The following DRC3 variants were observed in gnomAD, a reference collection of about 807,000 sequenced individuals.
DRC3 encodes leucine rich repeat containing 48.
In DRC3, 45 loss-of-function variants were observed where a neutral mutation model predicts 57.6. That is an observed-to-expected ratio of 0.78 (90% CI 0.62 to 1.00). The LOEUF (loss-of-function observed/expected upper bound fraction) is 1.00, where lower values mean the gene tolerates loss of function less well. Among genes scored for constraint, DRC3 ranks in the 50% least tolerant of loss-of-function variants. The probability of loss-of-function intolerance (pLI) is 0.00; values close to 1 mark genes in which losing one functional copy is unlikely to be tolerated. For synonymous variants in DRC3, 257 were observed against 272.3 expected (o/e 0.94, Z 0.55); for missense variants, 655 against 675.2 (o/e 0.97, Z 0.33).
In DRC3 at chr17:18,016,859, A is replaced by G; in HGVS notation, c.*188A>G. The stretch of plus-strand genomic sequence containing the variant: ...AGAGAAAATAAAGGACTCATTTCAC[A>G]TTTCCCCTACTCATAAAAAAAAAAA... On this transcript the variant is annotated 3_prime_UTR_variant, in exon 14 of 14. Transcript: ENST00000399187. The G allele has an allele frequency of 2.3e-6, 1 of 443,218 alleles. No individual in the cohort carries two copies. Among genetic ancestry groups the G allele is most frequent in the Non-Finnish European group, 4.0e-6 (1 of 252,298 alleles). The allele number at this position is 443,218 out of a possible 1,614,324, so 27.5% of individuals were successfully genotyped here. A position where few individuals can be genotyped will look rare whatever the true frequency, so the allele number is the denominator to read the frequency against.
chr17:18,004,631 G>A (rs887002498), intron 10 of DRC3, 137 bp downstream of exon 10: 26 of 871,478 alleles, frequency 3.0e-5, no homozygotes, highest in Non-Finnish European at 4.5e-5. Flanking sequence ...TAGCTTTCTT[G>A]CTCATCAGTC....
At position 17,994,428 on chromosome 17, in the gene DRC3, C is replaced by A. The variant is rs755972281; in HGVS notation, c.711+10C>A. ...GCTAGAGAAGCACAAGGTACCGTTCCGGCAGGCTGCACGCCCTCGGCCCCC... is the reference window on the plus strand; with the variant it reads ...GCTAGAGAAGCACAAGGTACCGTTCAGGCAGGCTGCACGCCCTCGGCCCCC... On this transcript the variant is annotated intron_variant, in intron 7 of 13. Transcript: ENST00000399187. The A allele has an allele frequency of 6.4e-7, 1 of 1,550,608 alleles. No homozygotes were observed. Among genetic ancestry groups the A allele is most frequent in the East Asian group, 2.4e-5 (1 of 40,908 alleles).
chr17:17,999,131 C>G (rs1284315563), intron 9 of DRC3, among the ~76,000 whole-genome samples: 1 of 152,186 alleles, frequency 6.6e-6, no homozygotes, highest in Non-Finnish European at 1.5e-5. Flanking sequence ...CCCTCAGCAG[C>G]GAGTCCCTCT....
At chr17:17,977,553 C>T in intron 2 of DRC3, 29 bp from the exon 3 acceptor site, 1 of 1,612,604 alleles carries the variant, frequency 6.2e-7, no homozygotes, top group Non-Finnish European at 8.5e-7. Context: ...AAGAAGCAGG[C>T]CGTGAAGGAA....
intron 3 of DRC3, among the ~76,000 whole-genome samples, chr17:17,980,594 A>ATT (rs35688948): frequency 0.037 from 3,996 of 108,432 alleles, 168 homozygotes; most frequent in Middle Eastern, 0.059. Context: ...TGCGCCCAGC[A>ATT]TTTTTTTTTT....
intron 11 of DRC3, 186 bp from the exon 12 acceptor site, chr17:18,006,838 C>A: frequency 2.4e-6 from 2 of 839,690 alleles, no homozygotes; most frequent in Non-Finnish European, 3.6e-6. Flanking sequence ...AGGGTCCGTC[C>A]GAGGTGTGGG....
chr17:18,009,920 G>A (rs948298411), intron 12 of DRC3, among the ~76,000 whole-genome samples: 2 of 152,180 alleles, frequency 1.3e-5, no homozygotes, highest in African/African-American at 2.4e-5. Context: ...TACATGCTGA[G>A]GAGAGAGCCT....
intron 2 of DRC3, among the ~76,000 whole-genome samples, chr17:17,976,041 G>T (rs2042372871): frequency 6.6e-6 from 1 of 152,180 alleles, no homozygotes; most frequent in Non-Finnish European, 1.5e-5. Flanking sequence ...CCTGCACCAG[G>T]AGTTTCTCCA....
chr17:17,994,987 T>G lies in DRC3; in HGVS notation c.712-12T>G. The G allele has an allele frequency of 6.2e-7, 1 of 1,610,052 alleles. No individual in the cohort carries two copies. On this transcript the variant is annotated splice_polypyrimidine_tract_variant and intron_variant, in intron 7 of 13. Transcript: ENST00000399187. ...CAGGAGCCGTCCTACCTACGTGTGT[T>G]TCTGCCTGCAGACTGCGTTTGTGGA...
At chr17:17,995,301 T>C (rs981458612) in intron 8 of DRC3, among the ~76,000 whole-genome samples, 190 bp downstream of exon 8, 1 of 152,252 alleles carries the variant, frequency 6.6e-6, no homozygotes, top group African/African-American at 2.4e-5. Context: ...GGGGAGATGC[T>C]GTCTGGATTT....
intron 3 of DRC3, chr17:17,981,251 C>T (rs770275522): frequency 1.5e-5 from 4 of 271,738 alleles, no homozygotes; most frequent in Non-Finnish European, 3.2e-5. Context: ...CAGATGAACC[C>T]AAAGGGGAAC....
At position 18,008,107 on chromosome 17, in the gene DRC3, C is replaced by T. The variant is rs1372040515; in HGVS notation, c.1326+960C>T. Among the ~76,000 whole-genome samples, 2 of 152,208 alleles carry T rather than the reference C, an allele frequency of 1.3e-5. No homozygotes were observed. Among genetic ancestry groups the T allele is most frequent in the Non-Finnish European group, 2.9e-5 (2 of 68,038 alleles). The stretch of plus-strand genomic sequence containing the variant: ...GCGATTCCCACCCCCAGAACCCTCA[C>T]TCCTGATGCTCAGCGGCAGCCTCTG... On this transcript the variant is annotated intron_variant, in intron 12 of 13. Coordinates refer to ENST00000399187, the MANE Select transcript of DRC3 (RefSeq NM_031294.4). The surrounding 1 kb of genome is among the most constrained non-coding windows in gnomAD (Gnocchi z 4.3).
chr17:17,999,354 A>G (rs770786102), intron 9 of DRC3, among the ~76,000 whole-genome samples: 1 of 152,102 alleles, frequency 6.6e-6, no homozygotes, highest in Non-Finnish European at 1.5e-5. Flanking sequence ...ATGTGCTCAC[A>G]TTCAGGCCCA....
chr17:17,988,078 C>G lies in DRC3; in HGVS notation c.424C>G (p.Arg142Gly). Residue 142 changes from arginine to glycine, a missense_variant, in exon 5 of 14, where the codon CGG becomes GGG. Arg to Gly is a moderately radical substitution (Grantham distance 125). Transcript: ENST00000399187. Reference protein sequence around the residue: ...KLQVLSLGNNRIDNMMNIIYL... With the variant: ...KLQVLSLGNNGIDNMMNIIYL... ...GCAGGTGTTGTCGCTGGGCAACAAC[C>G]GGATTGACAACATGATGAACGTGAG... 3 of 1,613,806 alleles carry G rather than the reference C, an allele frequency of 1.9e-6. No homozygotes were observed. The highest frequency in any genetic ancestry group is 2.5e-6 in the Non-Finnish European group (3 of 1,179,866).
intron 12 of DRC3, chr17:18,011,302 CCCAGCCAGCGCAGCAGGTT>C: frequency 2.9e-6 from 1 of 345,950 alleles, no homozygotes; most frequent in African/African-American, 2.2e-5. Flanking sequence ...GCAGACCTGC[CCCAGCCAGCGCAGCAGGTT>C]CAAGGCGTTT....
At chr17:18,004,160 G>A (rs1482634900) in intron 9 of DRC3, among the ~76,000 whole-genome samples, 1 of 152,006 alleles carries the variant, frequency 6.6e-6, no homozygotes, top group Non-Finnish European at 1.5e-5. Context: ...GCTATCAATC[G>A]CACTTTACAG....
At chr17:17,978,880 T>C (rs1362578649) in intron 3 of DRC3, among the ~76,000 whole-genome samples, 1 of 152,168 alleles carries the variant, frequency 6.6e-6, no homozygotes, top group Non-Finnish European at 1.5e-5. Context: ...TTCTGAGCAC[T>C]AGGGATTCAA....
At position 18,010,114 on chromosome 17, in the gene DRC3, C is replaced by T. The variant is rs573979812; in HGVS notation, c.1326+2967C>T. Reference sequence around the variant, plus strand: ...AAGTCCCCAGGGTCTGCTCAAGTGGCAGTGGGTCTGACCCAAGCCAGCAGT... The same window carrying T: ...AAGTCCCCAGGGTCTGCTCAAGTGGTAGTGGGTCTGACCCAAGCCAGCAGT... On this transcript the variant is annotated intron_variant, in intron 12 of 13. Transcript: ENST00000399187. 8.5e-5 allele frequency among the ~76,000 whole-genome samples: 13 copies of T among 152,338 alleles called. No homozygotes were observed. In the South Asian group the frequency reaches 2.7e-3, roughly 32 times the overall value.
At position 17,977,751 on chromosome 17, in the gene DRC3, C is replaced by T; in HGVS notation, c.153C>T (p.Asp51=). The T allele has an allele frequency of 1.2e-6, 2 of 1,601,776 alleles. No individual in the cohort carries two copies. Among genetic ancestry groups the T allele is most frequent in the Non-Finnish European group, 1.7e-6 (2 of 1,173,166 alleles). Residue 51 remains aspartate (D), a synonymous_variant, in exon 3 of 14, where the codon GAC becomes GAT. Transcript: ENST00000399187. ...LFKDVLSLQL[D]FRNILRIDNL... ...AGGATGTCCTGTCCCTGCAGCTGGA[C>T]TTTCGGAGTATGTATCCAAGGTTCA...
Sources: gnomAD v4.1 joint callset for allele counts (sites outside exome capture counted in the v4.1 genomes callset) on GRCh38, gnomAD v4.1.1 for gene constraint, Gnocchi (gnomAD v3.1) non-coding constraint, MANE v1.5 for transcripts, NCBI Gene and HGNC (gene_info 2026-07-23, HGNC 2026-07-21) for gene names.